ANKRD12: variants seen among roughly 807,000 people sequenced by gnomAD.
ANKRD12 encodes the protein ankyrin repeat domain-containing protein 12.
Under a neutral mutation model 183.4 loss-of-function variants are expected in ANKRD12, and 85 were observed. The observed-to-expected ratio is 0.46, with a 90% CI of 0.39 to 0.56. ANKRD12 has a LOEUF of 0.56. Among genes scored for constraint, ANKRD12 ranks in the 20% least tolerant of loss-of-function variants. The pLI is 0.00. For synonymous variants in ANKRD12, 914 were observed against 800.2 expected (o/e 1.14, Z -2.40); for missense variants, 2,405 against 2,357.1 (o/e 1.02, Z -0.42).
At chr18:9,265,193 C>T (rs1430650072) in intron 10 of ANKRD12, among the ~76,000 whole-genome samples, 1 of 152,254 alleles carries the variant, frequency 6.6e-6, no homozygotes, top group African/African-American at 2.4e-5. Flanking sequence ...GACTCCACCT[C>T]TGGGAGCAGG....
At chr18:9,167,082 G>A (rs1047515821) in intron 1 of ANKRD12, among the ~76,000 whole-genome samples, 31 of 152,236 alleles carry the variant, frequency 2.0e-4, no homozygotes, top group African/African-American at 6.3e-4. Flanking sequence ...CTATATCTCT[G>A]TTTTGGTACC....
In ANKRD12 at chr18:9,254,634, C is replaced by T. The variant is rs1483103224; in HGVS notation, c.1367C>T (p.Thr456Ile). 1 of 1,572,490 alleles carries T rather than the reference C, an allele frequency of 6.4e-7. No homozygotes were observed. The highest frequency in any genetic ancestry group is 8.6e-7 in the Non-Finnish European group (1 of 1,163,010). The change falls in exon 9 of 13, where the codon ACC becomes ATC. Residue 456 changes from threonine to isoleucine, a missense_variant. This residue lies in a region of ANKRD12 where 1,983 missense variants were observed against 1,725.9 expected (regional missense o/e 1.15). Transcript: ENST00000262126. ...GAAACATCAAATTCTGATATGCAAACCAAAAAGGAATATGTAGTTTCAGGT... is the reference window on the plus strand; with the variant it reads ...GAAACATCAAATTCTGATATGCAAATCAAAAAGGAATATGTAGTTTCAGGT... ...IPETSNSDMQTKKEYVVSGEH... is the reference protein window; with the variant it reads ...IPETSNSDMQIKKEYVVSGEH...
At position 9,284,565 on chromosome 18, in the gene ANKRD12, A is replaced by G. The variant is rs191448139; in HGVS notation, c.*3439A>G. ...ATTTAGGGCAAAATTTTTGTTAGATAATAATGGAAAAGCTTGTGTGAGTTT... is the reference window on the plus strand; with the variant it reads ...ATTTAGGGCAAAATTTTTGTTAGATGATAATGGAAAAGCTTGTGTGAGTTT... On this transcript the variant is annotated 3_prime_UTR_variant, in exon 13 of 13. Transcript: ENST00000262126. The G allele has an allele frequency of 1.3e-5, 2 of 152,326 alleles. No individual in the cohort carries two copies. Among genetic ancestry groups the G allele is most frequent in the Admixed American group, 1.3e-4 (2 of 15,304 alleles). The allele number at this position is 152,326 out of a possible 1,614,324, so 9.4% of individuals were successfully genotyped here. A position where few individuals can be genotyped will look rare whatever the true frequency, so the allele number is the denominator to read the frequency against.
intron 2 of ANKRD12, among the ~76,000 whole-genome samples, chr18:9,184,146 C>T (rs2033886158): frequency 6.6e-6 from 1 of 152,026 alleles, no homozygotes; most frequent in Non-Finnish European, 1.5e-5. Context: ...GTGATTAACC[C>T]AACAAAAGAA....
At chr18:9,262,093 A>G (rs1443868326) in intron 9 of ANKRD12, among the ~76,000 whole-genome samples, 2 of 152,160 alleles carry the variant, frequency 1.3e-5, no homozygotes, top group African/African-American at 4.8e-5. Context: ...GATTCAACTG[A>G]TTGAGTCTTT....
chr18:9,280,795 AAAAG>A, intron 12 of ANKRD12, 142 bp from the exon 13 acceptor site: 2 of 775,172 alleles, frequency 2.6e-6, no homozygotes, highest in Non-Finnish European at 4.1e-6. Context: ...TCTCAAAAAA[AAAAG>A]AAAGAAATGG....
At chr18:9,235,457 A>T (rs2037290308) in intron 8 of ANKRD12, among the ~76,000 whole-genome samples, 1 of 152,242 alleles carries the variant, frequency 6.6e-6, no homozygotes, top group African/African-American at 2.4e-5. Context: ...AAAGAAAAAA[A>T]GTTAAAATAT....
At chr18:9,210,478 T>C (rs1299750812) in intron 5 of ANKRD12, among the ~76,000 whole-genome samples, 1 of 151,610 alleles carries the variant, frequency 6.6e-6, no homozygotes, top group Non-Finnish European at 1.5e-5. Flanking sequence ...CCCAGCACTT[T>C]GGGAGGCTGA....
chr18:9,219,743 A>C (rs1422964476), intron 7 of ANKRD12, among the ~76,000 whole-genome samples: 1 of 151,144 alleles, frequency 6.6e-6, no homozygotes, highest in Non-Finnish European at 1.5e-5. Flanking sequence ...ACAACACAGA[A>C]TCCTAGAAAG....
At chr18:9,173,532 G>A (rs1163620098) in intron 1 of ANKRD12, among the ~76,000 whole-genome samples, 2 of 145,510 alleles carry the variant, frequency 1.4e-5, no homozygotes, top group Non-Finnish European at 3.0e-5. Flanking sequence ...TCCTTTACCT[G>A]TAGGTATATC....
chr18:9,179,701 A>T (rs1337977268), intron 1 of ANKRD12, among the ~76,000 whole-genome samples: 1 of 152,038 alleles, frequency 6.6e-6, no homozygotes, highest in East Asian at 1.9e-4. Context: ...TTTTTAGTAG[A>T]AGTGGTGTTT....
intron 2 of ANKRD12, 130 bp from the exon 3 acceptor site, chr18:9,195,421 G>C (rs1462970846): frequency 1.0e-5 from 5 of 485,168 alleles, no homozygotes; most frequent in South Asian, 9.1e-5. Flanking sequence ...GCTGGGTCTT[G>C]AGTACATTGA....
intron 1 of ANKRD12, among the ~76,000 whole-genome samples, chr18:9,161,082 T>C (rs1475323794): frequency 1.3e-5 from 2 of 152,116 alleles, no homozygotes; most frequent in Admixed American, 1.3e-4. Context: ...CAAGCAATCC[T>C]CTTGCCTTGG....
intron 8 of ANKRD12, among the ~76,000 whole-genome samples, chr18:9,232,989 A>G (rs1490570548): frequency 5.9e-5 from 9 of 151,962 alleles, no homozygotes; most frequent in Admixed American, 5.9e-4. Context: ...AGCTGGGATT[A>G]CTGGTGTGCA....
intron 10 of ANKRD12, among the ~76,000 whole-genome samples, chr18:9,269,263 A>C (rs1348324483): frequency 1.3e-5 from 2 of 152,232 alleles, no homozygotes; most frequent in Non-Finnish European, 2.9e-5. Flanking sequence ...GAATTGGAAA[A>C]AACTACTTTA....
intron 2 of ANKRD12, among the ~76,000 whole-genome samples, chr18:9,194,388 C>T (rs1297716626): frequency 6.6e-6 from 1 of 150,730 alleles, no homozygotes; most frequent in Non-Finnish European, 1.5e-5. Flanking sequence ...CAGAGTTTTG[C>T]TCTTGTTGCC....
chr18:9,218,887 A>C (rs2036263245), intron 7 of ANKRD12, among the ~76,000 whole-genome samples: 1 of 151,916 alleles, frequency 6.6e-6, no homozygotes, highest in Non-Finnish European at 1.5e-5. Context: ...TCTTGAACTC[A>C]TGAGCTCAAG....
intron 11 of ANKRD12, among the ~76,000 whole-genome samples, chr18:9,276,815 CAGAA>C (rs1464929140): frequency 6.6e-6 from 1 of 152,132 alleles, no homozygotes; most frequent in East Asian, 1.9e-4. Context: ...TGTGTCTCTT[CAGAA>C]AGAACTGTGT....
At chr18:9,237,818 A>G (rs1349086560) in intron 8 of ANKRD12, among the ~76,000 whole-genome samples, 1 of 152,144 alleles carries the variant, frequency 6.6e-6, no homozygotes, top group Non-Finnish European at 1.5e-5. Context: ...GATGATTTGG[A>G]TGGATGGAAA....
Sources: allele counts gnomAD v4.1 joint callset (sites outside exome capture counted in the v4.1 genomes callset), GRCh38; gene constraint gnomAD v4.1.1; regional missense constraint gnomAD v4.1.1; transcripts MANE v1.5; gene names NCBI Gene and HGNC (gene_info 2026-07-23, HGNC 2026-07-21).